Variants in NRG3 observed in about 807,000 individuals in gnomAD.
NRG3 encodes pro-neuregulin-3, membrane-bound isoform.
In NRG3, 31 loss-of-function variants were observed where a neutral mutation model predicts 66.9. The ratio of observed to expected loss-of-function variants is 0.46; its 90% CI spans 0.35 to 0.63. The LOEUF (loss-of-function observed/expected upper bound fraction) is 0.63, where lower values mean the gene tolerates loss of function less well. NRG3 is among the 20% of genes least tolerant of loss of function. The pLI, the probability that NRG3 is intolerant of heterozygous loss-of-function variation, is 0.00. For missense variants in NRG3, 910 were observed against 878.9 expected, an observed-to-expected ratio of 1.04 and a Z score of -0.45; for synonymous variants, 393 against 359.4, an observed-to-expected ratio of 1.09 and a Z score of -1.06.
Position 82,631,893 on chromosome 10 carries a change from G to A in NRG3, c.954-106684G>A, listed in dbSNP as rs185311190. 1.1e-3 allele frequency among the ~76,000 whole-genome samples: 162 copies of A among 152,176 alleles called. 2 individuals carry two copies. The highest frequency in any genetic ancestry group is 3.7e-3 in the African/African-American group (154 of 41,528). ...GAGGCAGGCAGATCACCTGAGGTCAGGAGTTCAAGACCAGCCCGGCCAACA... is the reference window on the plus strand; with the variant it reads ...GAGGCAGGCAGATCACCTGAGGTCAAGAGTTCAAGACCAGCCCGGCCAACA... On this transcript the variant is annotated intron_variant, in intron 2 of 8. Coordinates refer to ENST00000372141, the MANE Select transcript of NRG3 (RefSeq NM_001010848.4).
intron 1 of NRG3, among the ~76,000 whole-genome samples, chr10:82,153,071 C>T (rs1199463076): frequency 6.6e-6 from 1 of 151,976 alleles, no homozygotes; most frequent in Non-Finnish European, 1.5e-5. Flanking sequence ...GGGATGAGAA[C>T]TTTTAAAATC....
chr10:82,151,634 C>CT (rs1164431037), intron 1 of NRG3, among the ~76,000 whole-genome samples: 1 of 152,110 alleles, frequency 6.6e-6, no homozygotes, highest in Non-Finnish European at 1.5e-5. Context: ...TATTTGTGGT[C>CT]TTTATCTAAT....
chr10:82,493,768 G>T (rs1843369220), intron 2 of NRG3, among the ~76,000 whole-genome samples: 1 of 152,126 alleles, frequency 6.6e-6, no homozygotes. Context: ...ACATTAAGTA[G>T]CTTCTGCACA....
At chr10:82,018,418 G>C (rs2061892280) in intron 1 of NRG3, among the ~76,000 whole-genome samples, 1 of 152,134 alleles carries the variant, frequency 6.6e-6, no homozygotes, top group Admixed American at 6.6e-5. Context: ...GGCGATGCGT[G>C]CTCTTTTTTG....
intron 2 of NRG3, among the ~76,000 whole-genome samples, chr10:82,384,316 T>A (rs1031992135): frequency 6.6e-6 from 1 of 152,150 alleles, no homozygotes; most frequent in Non-Finnish European, 1.5e-5. Flanking sequence ...ATGTGCAGGA[T>A]GTTACATAGG....
At chr10:82,312,153 T>TTTTC (rs1201974800) in intron 1 of NRG3, among the ~76,000 whole-genome samples, 1 of 152,150 alleles carries the variant, frequency 6.6e-6, no homozygotes, top group African/African-American at 2.4e-5. Flanking sequence ...AGCAAGGGTA[T>TTTTC]TTTCTTCTTT....
At chr10:82,911,556 T>C (rs1845323188) in intron 4 of NRG3, among the ~76,000 whole-genome samples, 1 of 151,810 alleles carries the variant, frequency 6.6e-6, no homozygotes, top group African/African-American at 2.4e-5. Context: ...ATTTATTATA[T>C]TTTAATATTG....
intron 1 of NRG3, among the ~76,000 whole-genome samples, chr10:82,094,373 A>T (rs936238087): frequency 6.6e-6 from 1 of 152,172 alleles, no homozygotes; most frequent in Non-Finnish European, 1.5e-5. Flanking sequence ...CAAAATAGGA[A>T]CACTTGTGCA....
intron 2 of NRG3, among the ~76,000 whole-genome samples, chr10:82,503,961 C>T (rs1400066793): frequency 6.6e-6 from 1 of 152,080 alleles, no homozygotes; most frequent in Admixed American, 6.6e-5. Flanking sequence ...CTTTGAATGT[C>T]ATCTGTTAAA....
chr10:82,385,959 A>G (rs190552333), intron 2 of NRG3, among the ~76,000 whole-genome samples: 31 of 152,306 alleles, frequency 2.0e-4, no homozygotes, highest in Non-Finnish European at 2.8e-4. Context: ...ACTGCTAAAT[A>G]CAAAAAAATA....
chr10:82,247,316 A>G (rs1231753093), intron 1 of NRG3, among the ~76,000 whole-genome samples: 1 of 152,166 alleles, frequency 6.6e-6, no homozygotes, highest in Non-Finnish European at 1.5e-5. Flanking sequence ...TTTGAGACCA[A>G]GGACCCAGCA....
At chr10:82,216,313 T>G (rs1007222975) in intron 1 of NRG3, among the ~76,000 whole-genome samples, 2 of 151,860 alleles carry the variant, frequency 1.3e-5, no homozygotes, top group Admixed American at 6.6e-5. Context: ...AAGACCAGAT[T>G]ATATTTTTTA....
rs185115640 is a variant in NRG3, at chr10:82,761,898, C to G, written c.1027+23248C>G. Among the ~76,000 whole-genome samples the G allele has an allele frequency of 1.7e-4, 25 of 147,848 alleles. No individual in the cohort carries two copies. The East Asian group carries it at 5.0e-3, about 29-fold the overall frequency. ...TTTCTTCTTTCTTCCTTTCTTCCTT[C>G]CGTTCTTTCTTCTTTCTTTCTTTCT... On this transcript the variant is annotated intron_variant, in intron 3 of 8. Coordinates refer to ENST00000372141, the MANE Select transcript of NRG3 (RefSeq NM_001010848.4).
chr10:82,720,085 G>C (rs1204524187), intron 2 of NRG3, among the ~76,000 whole-genome samples: 1 of 152,150 alleles, frequency 6.6e-6, no homozygotes, highest in Non-Finnish European at 1.5e-5. Context: ...TGATAGGCTT[G>C]ACTTACCTCA....
At chr10:82,270,943 G>C (rs2078560529) in intron 1 of NRG3, among the ~76,000 whole-genome samples, 1 of 152,054 alleles carries the variant, frequency 6.6e-6, no homozygotes, top group South Asian at 2.1e-4. Context: ...GATTATGATA[G>C]CTAATTTTCC....
intron 1 of NRG3, among the ~76,000 whole-genome samples, chr10:82,021,783 A>AGTGTGT (rs1241988836): frequency 1.8e-4 from 26 of 146,538 alleles, no homozygotes; most frequent in African/African-American, 6.7e-4. Context: ...TTGGGCATGT[A>AGTGTGT]GTATGTGTGT....
intron 1 of NRG3, among the ~76,000 whole-genome samples, chr10:82,020,117 A>G (rs1053585414): frequency 6.6e-6 from 1 of 152,134 alleles, no homozygotes; most frequent in East Asian, 1.9e-4. Context: ...AAAAATTTGA[A>G]TTATAGCACA....
At chr10:82,015,974 A>C (rs2132684070) in intron 1 of NRG3, among the ~76,000 whole-genome samples, 1 of 151,022 alleles carries the variant, frequency 6.6e-6, no homozygotes, top group South Asian at 2.1e-4. Context: ...TGTTCCCTAT[A>C]GAGACAGTCA....
chr10:82,118,047 C>T (rs745940135), intron 1 of NRG3, among the ~76,000 whole-genome samples: 14 of 151,950 alleles, frequency 9.2e-5, no homozygotes, highest in Admixed American at 1.3e-4. Flanking sequence ...GAAGCATGCT[C>T]GCTATTATTA....
Sources: gnomAD v4.1 joint callset for allele counts (sites outside exome capture counted in the v4.1 genomes callset) on GRCh38, gnomAD v4.1.1 for gene constraint, MANE v1.5 for transcripts, NCBI Gene and HGNC (gene_info 2026-07-23, HGNC 2026-07-21) for gene names.